Variants in ANTXR2 observed in about 807,000 individuals in gnomAD.
ANTXR2 encodes the protein anthrax toxin receptor 2.
Under a neutral mutation model 73.7 loss-of-function variants are expected in ANTXR2, and 44 were observed. That is an observed-to-expected ratio of 0.60 (90% confidence interval 0.47 to 0.77). The LOEUF (loss-of-function observed/expected upper bound fraction) is 0.77. Among genes scored for constraint, ANTXR2 ranks in the 30% least tolerant of loss-of-function variants. The pLI is 0.00. For synonymous variants in ANTXR2, 217 were observed against 205.9 expected (o/e 1.05, Z -0.46); for missense variants, 604 against 592.5 (o/e 1.02, Z -0.20).
At chr4:79,919,868 TATA>T (rs1336087313) in intron 16 of ANTXR2, among the ~76,000 whole-genome samples, 16 of 2,114 alleles carry the variant, frequency 7.6e-3, no homozygotes, top group African/African-American at 0.013. Context: ...ACATATTTTA[TATA>T]TATATATATA....
intron 3 of ANTXR2, among the ~76,000 whole-genome samples, chr4:80,066,559 T>C (rs550558457): frequency 6.6e-6 from 1 of 152,280 alleles, no homozygotes; most frequent in Non-Finnish European, 1.5e-5. Context: ...ATTTTCTTTA[T>C]GTAAGCATGA....
intron 16 of ANTXR2, among the ~76,000 whole-genome samples, chr4:79,911,714 A>G (rs2109929731): frequency 6.6e-6 from 1 of 152,104 alleles, no homozygotes; most frequent in Middle Eastern, 3.4e-3. Context: ...AGAGAATAAT[A>G]TAACATGTAA....
chr4:80,026,096 A>G (rs1226808709), intron 10 of ANTXR2, among the ~76,000 whole-genome samples: 3 of 152,138 alleles, frequency 2.0e-5, no homozygotes, highest in Non-Finnish European at 4.4e-5. Flanking sequence ...AGTCTTAGTG[A>G]TATGGTTTTG....
intron 13 of ANTXR2, 62 bp downstream of exon 13, chr4:79,984,757 G>C (rs1730036900): frequency 7.3e-7 from 1 of 1,373,894 alleles, no homozygotes. Flanking sequence ...ATTAAATTTG[G>C]GCATGGTATC....
chr4:80,036,289 G>C (rs1050069755), intron 7 of ANTXR2, among the ~76,000 whole-genome samples: 1 of 152,052 alleles, frequency 6.6e-6, no homozygotes, highest in African/African-American at 2.4e-5. Context: ...GGAAAAGTGA[G>C]CATTGTCTCA....
chr4:80,034,470 G>T (rs184342237), intron 8 of ANTXR2, among the ~76,000 whole-genome samples: 1 of 152,226 alleles, frequency 6.6e-6, no homozygotes, highest in African/African-American at 2.4e-5. Context: ...ATACAAGGGG[G>T]AGGCTTTTAT....
intron 12 of ANTXR2, among the ~76,000 whole-genome samples, chr4:80,003,302 A>T (rs1161583511): frequency 1.3e-5 from 2 of 150,904 alleles, no homozygotes; most frequent in East Asian, 4.0e-4. Context: ...TCAGTAAACT[A>T]TCGCAAGAAC....
intron 12 of ANTXR2, among the ~76,000 whole-genome samples, chr4:80,000,801 G>GTCAAATGT (rs1730992982): frequency 6.6e-6 from 1 of 152,030 alleles, no homozygotes; most frequent in Admixed American, 6.6e-5. Context: ...ACAGTAATTA[G>GTCAAATGT]TCAAATGTTC....
intron 3 of ANTXR2, among the ~76,000 whole-genome samples, chr4:80,059,932 G>A (rs554930465): frequency 5.4e-4 from 82 of 152,264 alleles, no homozygotes; most frequent in African/African-American, 1.9e-3. Context: ...AGGGAATCCT[G>A]AATTGACCAA....
intron 11 of ANTXR2, among the ~76,000 whole-genome samples, chr4:80,014,306 C>T (rs1035678957): frequency 9.2e-5 from 14 of 152,202 alleles, no homozygotes; most frequent in African/African-American, 2.6e-4. Flanking sequence ...AGGTGGCTCA[C>T]GCCTGTAATC....
chr4:80,046,389 G>A (rs565139191), intron 7 of ANTXR2, among the ~76,000 whole-genome samples: 6 of 151,636 alleles, frequency 4.0e-5, no homozygotes, highest in Non-Finnish European at 7.4e-5. Context: ...GTTGTCTTTG[G>A]TCACCACAAA....
At chr4:80,009,142 G>A (rs919753409) in intron 11 of ANTXR2, among the ~76,000 whole-genome samples, 1 of 152,190 alleles carries the variant, frequency 6.6e-6, no homozygotes, top group Admixed American at 6.5e-5. Context: ...GCAATCTCAT[G>A]CATTCATAAA....
intron 16 of ANTXR2, among the ~76,000 whole-genome samples, chr4:79,934,148 G>T (rs1297038670): frequency 6.6e-6 from 1 of 152,100 alleles, no homozygotes; most frequent in Non-Finnish European, 1.5e-5. Flanking sequence ...ATAAAATAGA[G>T]TTTCTGTGAC....
intron 10 of ANTXR2, among the ~76,000 whole-genome samples, chr4:80,026,197 G>C (rs1451762473): frequency 6.6e-6 from 1 of 152,098 alleles, no homozygotes; most frequent in African/African-American, 2.4e-5. Context: ...TTATGGGGAT[G>C]GTTTCCCCCA....
intron 3 of ANTXR2, among the ~76,000 whole-genome samples, chr4:80,064,999 C>T (rs529510194): frequency 2.0e-5 from 3 of 152,224 alleles, no homozygotes; most frequent in Admixed American, 6.5e-5. Flanking sequence ...TTGGACAAGC[C>T]GCTTTATCAT....
chr4:80,059,124 C>T (rs1221849472), intron 3 of ANTXR2, among the ~76,000 whole-genome samples: 1 of 151,942 alleles, frequency 6.6e-6, no homozygotes, highest in Admixed American at 6.6e-5. Context: ...AATTTTAGCA[C>T]TCTTCTTTTT....
At chr4:79,943,812 T>A (rs924140311) in intron 16 of ANTXR2, among the ~76,000 whole-genome samples, 1 of 152,022 alleles carries the variant, frequency 6.6e-6, no homozygotes, top group Non-Finnish European at 1.5e-5. Context: ...AAGAAATATT[T>A]TGATGTCTGG....
At chr4:80,031,811 C>T in intron 9 of ANTXR2, 119 bp from the exon 10 acceptor site, 1 of 471,450 alleles carries the variant, frequency 2.1e-6, no homozygotes, top group East Asian at 3.9e-5. Context: ...GATATATTAA[C>T]ATAAAAAAAC....
At chr4:79,961,098 A>C (rs1729123669) in intron 16 of ANTXR2, among the ~76,000 whole-genome samples, 1 of 152,112 alleles carries the variant, frequency 6.6e-6, no homozygotes, top group Non-Finnish European at 1.5e-5. Context: ...GTCTACAAAA[A>C]AGATGCACTG....
Sources: gnomAD v4.1 joint callset for allele counts (sites outside exome capture counted in the v4.1 genomes callset) on GRCh38, gnomAD v4.1.1 for gene constraint, MANE v1.5 for transcripts, NCBI Gene and HGNC (gene_info 2026-07-23, HGNC 2026-07-21) for gene names.